GRIK1: variants seen among roughly 807,000 people sequenced by gnomAD.
GRIK1 encodes glutamate ionotropic receptor kainate type subunit 1, also known as glutamate receptor ionotropic, kainate 1.
In GRIK1, 69 loss-of-function variants were observed where a neutral mutation model predicts 105.7. The ratio of observed to expected loss-of-function variants is 0.65; its 90% CI spans 0.54 to 0.80. GRIK1 has a LOEUF of 0.80. Ranked by LOEUF, GRIK1 falls within the 30% of genes least tolerant of loss-of-function variation. GRIK1 has a pLI of 0.00. For synonymous variants in GRIK1, 438 were observed against 431.3 expected (o/e 1.02, Z -0.19); for missense variants, 1,109 against 1,167.3 (o/e 0.95, Z 0.73).
intron 7 of GRIK1, among the ~76,000 whole-genome samples, chr21:29,629,145 A>G (rs1488243722): frequency 1.3e-5 from 2 of 151,772 alleles, no homozygotes; most frequent in African/African-American, 4.8e-5. Context: ...TAAAAATGCA[A>G]TGGTGAAGAT....
chr21:29,709,964 T>C (rs2064005460), intron 1 of GRIK1, among the ~76,000 whole-genome samples: 1 of 151,994 alleles, frequency 6.6e-6, no homozygotes, highest in Non-Finnish European at 1.5e-5. Context: ...CATCTTATTT[T>C]GTTCTTAATT....
chr21:29,798,218 C>T (rs2066609145), intron 1 of GRIK1, among the ~76,000 whole-genome samples: 1 of 152,118 alleles, frequency 6.6e-6, no homozygotes, highest in Admixed American at 6.5e-5. Flanking sequence ...TAGGTCTATC[C>T]TCTGAACATC....
At chr21:29,906,664 C>T (rs1289896240) in intron 1 of GRIK1, among the ~76,000 whole-genome samples, 1 of 152,026 alleles carries the variant, frequency 6.6e-6, no homozygotes, top group East Asian at 1.9e-4. Flanking sequence ...AAGGATAATT[C>T]AGGAGGGGAA....
chr21:29,779,645 A>G (rs1444097997), intron 1 of GRIK1, among the ~76,000 whole-genome samples: 2 of 152,190 alleles, frequency 1.3e-5, no homozygotes, highest in Non-Finnish European at 2.9e-5. Flanking sequence ...GGCCATGAAT[A>G]TATAGTATGA....
intron 4 of GRIK1, among the ~76,000 whole-genome samples, chr21:29,659,683 A>G (rs989389780): frequency 6.6e-6 from 1 of 152,206 alleles, no homozygotes; most frequent in African/African-American, 2.4e-5. Context: ...AATGCCGGCC[A>G]GGCGCGGTGG....
At chr21:29,548,072 A>G (rs1037512500) in intron 16 of GRIK1, among the ~76,000 whole-genome samples, 3 of 152,254 alleles carry the variant, frequency 2.0e-5, no homozygotes, top group African/African-American at 7.2e-5. Flanking sequence ...ATTCTGGTCA[A>G]GTTAAATTAA....
At chr21:29,718,271 G>T (rs539713765) in intron 1 of GRIK1, among the ~76,000 whole-genome samples, 1 of 152,194 alleles carries the variant, frequency 6.6e-6, no homozygotes, top group Non-Finnish European at 1.5e-5. Context: ...ATGTTAAGCA[G>T]CTTTCCTTCT....
At chr21:29,852,337 C>T (rs561412827) in intron 1 of GRIK1, among the ~76,000 whole-genome samples, 3 of 152,258 alleles carry the variant, frequency 2.0e-5, no homozygotes, top group African/African-American at 4.8e-5. Flanking sequence ...ACTTGGGCAC[C>T]TCTACCCACT....
In GRIK1 at chr21:29,797,082, A is replaced by G. The variant is rs569812801; in HGVS notation, c.119-103019T>C. Reference sequence around the variant, plus strand: ...CAGAAGGTGAAACTTTCCTATTATCAGGAAATCAGGTAGCGGCTATCAAGC... The same window carrying G: ...CAGAAGGTGAAACTTTCCTATTATCGGGAAATCAGGTAGCGGCTATCAAGC... On this transcript the variant is annotated intron_variant, in intron 1 of 17. Coordinates refer to ENST00000327783, the MANE Select transcript of GRIK1 (RefSeq NM_001330994.2). 1.1e-3 allele frequency among the ~76,000 whole-genome samples: 165 copies of G among 152,324 alleles called. 7 individuals are homozygous for G. The South Asian group carries it at 0.033, about 31-fold the overall frequency.
At chr21:29,782,546 T>C (rs1391192853) in intron 1 of GRIK1, among the ~76,000 whole-genome samples, 1 of 152,202 alleles carries the variant, frequency 6.6e-6, no homozygotes, top group Non-Finnish European at 1.5e-5. Context: ...AGGATTCTCT[T>C]TGGTCCACAG....
rs182019596 is a variant in GRIK1 at position 29,715,455 on chromosome 21, A to T, written c.119-21392T>A. ...TAAACTTGTGCCAAAATATTTAGTA[A>T]CCAAGATAAGTAATATTTTAATGTA... is the stretch of plus-strand genomic sequence containing the variant. On this transcript the variant is annotated intron_variant, in intron 1 of 17. Transcript: ENST00000327783. Among the ~76,000 whole-genome samples the T allele has an allele frequency of 5.7e-3, 861 of 152,224 alleles. 11 individuals carry two copies. The highest frequency in any genetic ancestry group is 0.019 in the African/African-American group (799 of 41,512).
At chr21:29,735,221 A>G (rs1257484334) in intron 1 of GRIK1, among the ~76,000 whole-genome samples, 1 of 152,230 alleles carries the variant, frequency 6.6e-6, no homozygotes, top group African/African-American at 2.4e-5. Flanking sequence ...ATAAATATTC[A>G]TTAAATTCAT....
At chr21:29,800,181 T>C (rs1045194699) in intron 1 of GRIK1, among the ~76,000 whole-genome samples, 1 of 152,192 alleles carries the variant, frequency 6.6e-6, no homozygotes, top group Non-Finnish European at 1.5e-5. Context: ...ACGATCTGGC[T>C]TTCTTAAAGC....
Position 29,859,129 on chromosome 21 carries a change from G to A in GRIK1, c.118+80254C>T, listed in dbSNP as rs554880904. On this transcript the variant is annotated intron_variant, in intron 1 of 17. Transcript: ENST00000327783. ...TCGCAAGGACGAAAAACCAAACACC[G>A]CATGTTCTCACTCATAGGTGGGAAT... 4.1e-3 allele frequency among the ~76,000 whole-genome samples: 616 copies of A among 149,356 alleles called. 1 individual carries two copies. Among genetic ancestry groups the A allele is most frequent in the African/African-American group, 0.014 (585 of 40,510 alleles).
chr21:29,817,428 A>G (rs190531856), intron 1 of GRIK1, among the ~76,000 whole-genome samples: 32 of 152,262 alleles, frequency 2.1e-4, no homozygotes, highest in African/African-American at 7.2e-4. Flanking sequence ...AATTGTTAGT[A>G]TGTATAATGC....
At chr21:29,841,753 T>C (rs1488166041) in intron 1 of GRIK1, among the ~76,000 whole-genome samples, 1 of 152,208 alleles carries the variant, frequency 6.6e-6, no homozygotes, top group Non-Finnish European at 1.5e-5. Flanking sequence ...GTTTTTTGTT[T>C]ATAGTTTTGA....
intron 1 of GRIK1, among the ~76,000 whole-genome samples, chr21:29,876,651 A>C (rs1355085305): frequency 6.6e-6 from 1 of 152,150 alleles, no homozygotes; most frequent in Non-Finnish European, 1.5e-5. Flanking sequence ...TAAATCACGT[A>C]GTTATGCTTT....
chr21:29,555,149 C>A lies in GRIK1; in HGVS notation c.2510G>T (p.Gly837Val). Residue 837 changes from glycine (G) to valine (V), a missense_variant, in exon 16 of 18, where the codon GGC becomes GTC. Physicochemically the swap from Gly to Val is moderately radical, Grantham distance 109 (BLOSUM62 -3). Around this residue, in one of 5 missense-constraint regions of GRIK1, gnomAD observed 161 missense variants for 143.4 expected, o/e 1.12. Transcript: ENST00000327783. The stretch of plus-strand genomic sequence containing the variant: ...TCCGGCAGCCAGAACAATGAAGATG[C>A]CTCCAATATTTTCCACTCCCAGGGC... ...ASALGVENIG[G>V]IFIVLAAGLV... 6.2e-7 allele frequency: 1 copy of A among 1,613,830 alleles called. No homozygotes were observed. Among genetic ancestry groups the A allele is most frequent in the Non-Finnish European group, 8.5e-7 (1 of 1,179,804 alleles).
intron 1 of GRIK1, among the ~76,000 whole-genome samples, chr21:29,829,503 G>A (rs1469864873): frequency 6.6e-6 from 1 of 152,154 alleles, no homozygotes; most frequent in Non-Finnish European, 1.5e-5. Context: ...AGAGCTCAAT[G>A]AACATTTGTT....
Sources: gnomAD v4.1 joint callset for allele counts (sites outside exome capture counted in the v4.1 genomes callset) on GRCh38, gnomAD v4.1.1 for gene constraint, gnomAD v4.1.1 regional missense constraint, MANE v1.5 for transcripts, NCBI Gene and HGNC (gene_info 2026-07-23, HGNC 2026-07-21) for gene names.